Variants in NFIB observed in about 807,000 individuals in gnomAD.
NFIB encodes nuclear factor 1 B-type.
Under a neutral mutation model 61.5 loss-of-function variants are expected in NFIB, and 11 were observed. The observed-to-expected ratio is 0.18, with a 90% CI of 0.11 to 0.30. The LOEUF is 0.30. Ranked by LOEUF, NFIB falls within the 10% of genes least tolerant of loss-of-function variation. NFIB has a pLI of 1.00. For synonymous variants in NFIB, 260 were observed against 216.5 expected (o/e 1.20, Z -1.76); for missense variants, 471 against 608.9 (o/e 0.77, Z 2.38).
chr9:14,110,744 A>T (rs1436601895), intron 10 of NFIB, among the ~76,000 whole-genome samples: 1 of 152,086 alleles, frequency 6.6e-6, no homozygotes, highest in Non-Finnish European at 1.5e-5. Context: ...TTCTTTTAAA[A>T]TTTGAAAGGC....
chr9:14,331,742 A>G (rs994013676), intron 1 of NFIB, among the ~76,000 whole-genome samples: 1 of 152,204 alleles, frequency 6.6e-6, no homozygotes, highest in African/African-American at 2.4e-5. Flanking sequence ...AAGGCAGGTA[A>G]TGATTCTTAA....
At chr9:14,321,810 A>G in intron 1 of NFIB, 1 of 1,090,834 alleles carries the variant, frequency 9.2e-7, no homozygotes, top group Non-Finnish European at 1.2e-6. Context: ...CAAAAATGAC[A>G]TTTAGGAAAG....
chr9:14,438,252 G>A, the NFIB span, among the ~76,000 whole-genome samples: 1 of 152,126 alleles, frequency 6.6e-6, no homozygotes, highest in Admixed American at 6.5e-5. Flanking sequence ...GAAAGCAGAG[G>A]AAGCCCAAGT....
chr9:14,247,935 C>CTTTT (rs1051234569), intron 2 of NFIB, among the ~76,000 whole-genome samples: 1 of 138,140 alleles, frequency 7.2e-6, no homozygotes, highest in Non-Finnish European at 1.6e-5. Context: ...TTCTTTTTTT[C>CTTTT]TTTTTTTTTT....
intron 2 of NFIB, among the ~76,000 whole-genome samples, chr9:14,253,063 T>C (rs1367373420): frequency 6.6e-6 from 1 of 152,200 alleles, no homozygotes; most frequent in Non-Finnish European, 1.5e-5. Flanking sequence ...TAATTTTCAT[T>C]CATTCCATCC....
At chr9:14,451,975 C>T in the NFIB span, among the ~76,000 whole-genome samples, 13 of 151,824 alleles carry the variant, frequency 8.6e-5, no homozygotes, top group South Asian at 2.1e-4. Flanking sequence ...GGGGCTGGGG[C>T]GAGGATGCAG....
intron 2 of NFIB, among the ~76,000 whole-genome samples, chr9:14,223,170 G>A (rs1386293543): frequency 6.6e-6 from 1 of 152,186 alleles, no homozygotes; most frequent in African/African-American, 2.4e-5. Flanking sequence ...CAGGCCATGG[G>A]TTGAACAAGC....
chr9:14,287,042 G>C (rs887296393), intron 2 of NFIB, among the ~76,000 whole-genome samples: 4 of 152,134 alleles, frequency 2.6e-5, no homozygotes, highest in Admixed American at 6.5e-5. Context: ...TGAGGAGATG[G>C]GGAAGTACAG....
chr9:14,443,694 G>T, the NFIB span, among the ~76,000 whole-genome samples: 1 of 151,862 alleles, frequency 6.6e-6, no homozygotes, highest in Non-Finnish European at 1.5e-5. Flanking sequence ...TCCTATTTTT[G>T]CCTGTGGTCT....
At chr9:14,296,303 T>A (rs2059440913) in intron 2 of NFIB, among the ~76,000 whole-genome samples, 1 of 152,256 alleles carries the variant, frequency 6.6e-6, no homozygotes, top group South Asian at 2.1e-4. Context: ...GAAGTAGGCA[T>A]TTTAATCCTC....
chr9:14,230,500 C>G (rs2052991404), intron 2 of NFIB, among the ~76,000 whole-genome samples: 1 of 152,106 alleles, frequency 6.6e-6, no homozygotes, highest in South Asian at 2.1e-4. Flanking sequence ...ATGTAAGTCC[C>G]ATGAGAGCAG....
the NFIB span, among the ~76,000 whole-genome samples, chr9:14,508,761 G>T: frequency 6.6e-6 from 1 of 152,316 alleles, no homozygotes; most frequent in Non-Finnish European, 1.5e-5. Flanking sequence ...AAACCAAAAA[G>T]CCCCCCTTTT....
intron 2 of NFIB, among the ~76,000 whole-genome samples, chr9:14,203,889 A>G (rs2049329016): frequency 6.6e-6 from 1 of 152,178 alleles, no homozygotes; most frequent in Admixed American, 6.5e-5. Context: ...TAATGCCCGC[A>G]ATATTTTCTG....
chr9:14,481,756 T>C, the NFIB span, among the ~76,000 whole-genome samples: 1 of 152,156 alleles, frequency 6.6e-6, no homozygotes, highest in Admixed American at 6.5e-5. Flanking sequence ...ATGTTAGAAC[T>C]GGGCAGGAAG....
the NFIB span, among the ~76,000 whole-genome samples, chr9:14,466,815 T>C: frequency 6.6e-6 from 1 of 152,190 alleles, no homozygotes; most frequent in African/African-American, 2.4e-5. Flanking sequence ...GGAGACACAG[T>C]GCAATTTGCC....
intron 2 of NFIB, among the ~76,000 whole-genome samples, chr9:14,232,267 C>T (rs1230485244): frequency 6.6e-6 from 1 of 152,142 alleles, no homozygotes; most frequent in South Asian, 2.1e-4. Context: ...ATACAAGAGC[C>T]ACTTCTGGAC....
chr9:14,148,573 C>A (rs1264196653), intron 5 of NFIB, among the ~76,000 whole-genome samples: 2 of 152,096 alleles, frequency 1.3e-5, no homozygotes, highest in African/African-American at 4.8e-5. Context: ...ATAAACCAAT[C>A]CCCTTGTTTT....
chr9:14,481,455 C>A, the NFIB span, among the ~76,000 whole-genome samples: 2 of 151,408 alleles, frequency 1.3e-5, no homozygotes, highest in Non-Finnish European at 2.9e-5. Context: ...GTCTCTGAGT[C>A]TCCTTCAAGA....
chr9:14,246,291 C>A (rs538739914), intron 2 of NFIB, among the ~76,000 whole-genome samples: 1 of 152,262 alleles, frequency 6.6e-6, no homozygotes, highest in African/African-American at 2.4e-5. Flanking sequence ...ATTCTAAACT[C>A]CGACCCATTA....
Sources: gnomAD v4.1 joint callset for allele counts (sites outside exome capture counted in the v4.1 genomes callset) on GRCh38, gnomAD v4.1.1 for gene constraint, MANE v1.5 for transcripts, NCBI Gene and HGNC (gene_info 2026-07-23, HGNC 2026-07-21) for gene names.